Variants in FAM107B observed in about 807,000 individuals in gnomAD.
The protein encoded by FAM107B is protein FAM107B.
FAM107B carries 21 observed loss-of-function variants against 31.5 expected under a neutral mutation model. That is an observed-to-expected ratio of 0.67 (90% confidence interval 0.47 to 0.96). The LOEUF (loss-of-function observed/expected upper bound fraction) is 0.96. Ranked by LOEUF, FAM107B falls within the 40% of genes least tolerant of loss-of-function variation. FAM107B has a pLI of 0.00. For synonymous variants in FAM107B, 157 were observed against 141.5 expected, an observed-to-expected ratio of 1.11 and a Z score of -0.78; for missense variants, 452 against 377.1, an observed-to-expected ratio of 1.20 and a Z score of -1.64.
At chr10:14,743,041 A>C (rs1047300250) in intron 1 of FAM107B, among the ~76,000 whole-genome samples, 1 of 151,906 alleles carries the variant, frequency 6.6e-6, no homozygotes, top group African/African-American at 2.4e-5. Context: ...CACCTCTGTT[A>C]ATTTGACCCT....
At chr10:14,624,434 G>A (rs995776389) in intron 2 of FAM107B, among the ~76,000 whole-genome samples, 2 of 152,076 alleles carry the variant, frequency 1.3e-5, no homozygotes, top group Non-Finnish European at 2.9e-5. Context: ...GTCAGGAATT[G>A]GACACCAGCT....
intron 1 of FAM107B, among the ~76,000 whole-genome samples, chr10:14,705,887 C>T (rs1046019171): frequency 4.6e-5 from 7 of 152,138 alleles, no homozygotes; most frequent in African/African-American, 1.2e-4. Context: ...GAAACTCTAA[C>T]GTTAAGGCAA....
At chr10:14,693,780 C>G (rs1448348304) in intron 1 of FAM107B, among the ~76,000 whole-genome samples, 1 of 152,182 alleles carries the variant, frequency 6.6e-6, no homozygotes, top group Non-Finnish European at 1.5e-5. Flanking sequence ...CTTCCCACCC[C>G]TGGGAACCAC....
chr10:14,677,422 C>T (rs898712261), intron 1 of FAM107B, among the ~76,000 whole-genome samples: 6 of 152,220 alleles, frequency 3.9e-5, no homozygotes, highest in East Asian at 1.9e-4. Flanking sequence ...GAGATTGAGA[C>T]CATCCTGGCT....
chr10:14,763,491 T>C (rs1050579280), intron 1 of FAM107B, among the ~76,000 whole-genome samples: 4 of 152,160 alleles, frequency 2.6e-5, no homozygotes, highest in African/African-American at 7.2e-5. Context: ...ATTTGCTTCA[T>C]GGTTTTGAAG....
Position 14,526,968 on chromosome 10 carries a change from G to C in FAM107B, c.653+3364C>G, listed in dbSNP as rs139321514. Among the ~76,000 whole-genome samples the C allele has an allele frequency of 2.3e-3, 355 of 152,038 alleles. 12 individuals carry two copies. In the East Asian group the frequency reaches 0.056, roughly 24 times the overall value. On this transcript the variant is annotated intron_variant, in intron 3 of 4. Transcript: ENST00000181796. Reference sequence around the variant, plus strand: ...TTCTCCTGCCTCAGCCTCCTGAGTAGCTGGGACTACAGGTGCCCACCAACA... The same window carrying C: ...TTCTCCTGCCTCAGCCTCCTGAGTACCTGGGACTACAGGTGCCCACCAACA...
chr10:14,753,610 T>G (rs2131584229), intron 1 of FAM107B, among the ~76,000 whole-genome samples: 1 of 152,340 alleles, frequency 6.6e-6, no homozygotes, highest in South Asian at 2.1e-4. Flanking sequence ...ATGTTTGTTG[T>G]GTGTAGATGG....
intron 1 of FAM107B, among the ~76,000 whole-genome samples, chr10:14,729,676 T>A (rs1202143761): frequency 6.6e-6 from 1 of 152,172 alleles, no homozygotes; most frequent in Non-Finnish European, 1.5e-5. Context: ...CACCCAGCGA[T>A]CCCATTACTG....
intron 1 of FAM107B, among the ~76,000 whole-genome samples, chr10:14,767,152 T>C (rs1299626169): frequency 7.3e-6 from 1 of 136,744 alleles, no homozygotes; most frequent in Non-Finnish European, 1.6e-5. Context: ...TGGAGCGCAG[T>C]GCCACAATCT....
At chr10:14,597,347 T>TCC (rs397715552) in intron 2 of FAM107B, among the ~76,000 whole-genome samples, 3 of 98,758 alleles carry the variant, frequency 3.0e-5, no homozygotes, top group Admixed American at 8.9e-5. Flanking sequence ...GGATAAAGCG[T>TCC]GAGTTTTAAC....
chr10:14,567,222 T>C (rs1850749657), intron 2 of FAM107B, among the ~76,000 whole-genome samples: 2 of 152,128 alleles, frequency 1.3e-5, no homozygotes, highest in African/African-American at 4.8e-5. Context: ...CAGAAATGGA[T>C]TTCTAGAGAA....
At chr10:14,522,203 G>A in intron 3 of FAM107B, 184 bp from the exon 4 acceptor site, 2 of 725,026 alleles carry the variant, frequency 2.8e-6, no homozygotes. Context: ...AAAGGCAAGA[G>A]GAGATCTCCA....
intron 1 of FAM107B, among the ~76,000 whole-genome samples, chr10:14,671,722 A>G (rs1394969124): frequency 6.6e-6 from 1 of 152,108 alleles, no homozygotes; most frequent in African/African-American, 2.4e-5. Context: ...GTGCGGCTGA[A>G]ACTGAAGCCC....
intron 1 of FAM107B, among the ~76,000 whole-genome samples, chr10:14,685,337 C>T (rs748103948): frequency 6.6e-6 from 1 of 151,706 alleles, no homozygotes; most frequent in South Asian, 2.1e-4. Flanking sequence ...TTGGTAGAGA[C>T]GAGGCCTCAC....
chr10:14,585,077 A>C (rs1851779737), intron 2 of FAM107B, among the ~76,000 whole-genome samples: 1 of 152,216 alleles, frequency 6.6e-6, no homozygotes. Flanking sequence ...CAAGTAACCA[A>C]AGGGACACCT....
At chr10:14,603,024 C>CACAT (rs1852453489) in intron 2 of FAM107B, among the ~76,000 whole-genome samples, 4 of 151,686 alleles carry the variant, frequency 2.6e-5, no homozygotes, top group Admixed American at 2.6e-4. Context: ...CACACACACA[C>CACAT]ACACACAAAC....
chr10:14,611,666 A>G (rs1340015651), intron 2 of FAM107B, among the ~76,000 whole-genome samples: 1 of 151,838 alleles, frequency 6.6e-6, no homozygotes, highest in Non-Finnish European at 1.5e-5. Flanking sequence ...TGGACTTAAC[A>G]GTAAATGAAT....
intron 2 of FAM107B, among the ~76,000 whole-genome samples, chr10:14,621,428 T>A (rs1037273167): frequency 1.3e-5 from 2 of 152,260 alleles, no homozygotes; most frequent in Admixed American, 6.5e-5. Context: ...TCCCTTTGGA[T>A]GAAATATTTC....
chr10:14,619,985 A>G (rs1852962725), intron 2 of FAM107B, among the ~76,000 whole-genome samples: 1 of 149,586 alleles, frequency 6.7e-6, no homozygotes, highest in Admixed American at 6.7e-5. Context: ...TGACCGTGTA[A>G]GTGTCTATCT....
Sources: gnomAD v4.1 joint callset for allele counts (sites outside exome capture counted in the v4.1 genomes callset) on GRCh38, gnomAD v4.1.1 for gene constraint, MANE v1.5 for transcripts, NCBI Gene and HGNC (gene_info 2026-07-23, HGNC 2026-07-21) for gene names.